CD163L1: variants seen among roughly 807,000 people sequenced by gnomAD.
The protein encoded by CD163L1 is CD163 molecule like 1.
Under a neutral mutation model 165.4 loss-of-function variants are expected in CD163L1, and 124 were observed. That is an observed-to-expected ratio of 0.75 (90% CI 0.65 to 0.87). The LOEUF is 0.87. Among genes scored for constraint, CD163L1 ranks in the 40% least tolerant of loss-of-function variants. CD163L1 has a pLI of 0.00. For missense variants in CD163L1, 1,525 were observed against 1,799.9 expected (o/e 0.85, Z 2.76); for synonymous variants, 585 against 662.2 (o/e 0.88, Z 1.79).
chr12:7,332,793 T>C, the CD163L1 span, among the ~76,000 whole-genome samples: 1 of 152,034 alleles, frequency 6.6e-6, no homozygotes, highest in Non-Finnish European at 1.5e-5. Flanking sequence ...GCACTAAACA[T>C]GGAAAGGAAC....
At chr12:7,349,090 GAATTCAAGCA>G (rs1946690920) in intron 4 of CD163L1, among the ~76,000 whole-genome samples, 1 of 152,142 alleles carries the variant, frequency 6.6e-6, no homozygotes. Context: ...AAATTGTGGA[GAATTCAAGCA>G]TGAATGTCTC....
intron 17 of CD163L1, among the ~76,000 whole-genome samples, chr12:7,367,774 G>A (rs1037712644): frequency 6.6e-6 from 1 of 152,128 alleles, no homozygotes; most frequent in Non-Finnish European, 1.5e-5. Context: ...ATTTTCTATT[G>A]GCTATTTCTG....
chr12:7,411,968 AC>A (rs1276336686), intron 4 of CD163L1, among the ~76,000 whole-genome samples: 2 of 152,206 alleles, frequency 1.3e-5, no homozygotes, highest in Non-Finnish European at 2.9e-5. Context: ...CTGGACATTG[AC>A]ATTTCCCACT....
At chr12:7,378,907 C>G (rs984193640) in intron 9 of CD163L1, 71 bp downstream of exon 9, 2 of 1,424,868 alleles carry the variant, frequency 1.4e-6, no homozygotes, top group African/African-American at 2.9e-5. Context: ...ATAGCCACTT[C>G]ATAAACACGT....
intron 8 of CD163L1, among the ~76,000 whole-genome samples, chr12:7,394,557 C>CA (rs1947732697): frequency 6.6e-6 from 1 of 152,018 alleles, no homozygotes; most frequent in Non-Finnish European, 1.5e-5. Context: ...ACTAAAACAC[C>CA]AAAAGCAATG....
At chr12:7,416,151 T>C (rs1263569544) in intron 4 of CD163L1, among the ~76,000 whole-genome samples, 1 of 152,238 alleles carries the variant, frequency 6.6e-6, no homozygotes, top group Admixed American at 6.5e-5. Flanking sequence ...ATTGTGGTTT[T>C]GGTTTGCATT....
intron 18 of CD163L1, 25 bp downstream of exon 18, chr12:7,367,211 G>A (rs779767928): frequency 1.1e-5 from 16 of 1,439,624 alleles, no homozygotes; most frequent in Admixed American, 1.0e-4. Context: ...TCTCCATGGA[G>A]TGCGGCCCCT....
At chr12:7,405,617 G>A (rs543939042) in intron 5 of CD163L1, among the ~76,000 whole-genome samples, 4 of 152,062 alleles carry the variant, frequency 2.6e-5, no homozygotes, top group Non-Finnish European at 5.9e-5. Context: ...TATGTATATC[G>A]TTCCCTGCGG....
the CD163L1 span, among the ~76,000 whole-genome samples, chr12:7,324,958 A>T: frequency 1.3e-5 from 2 of 152,058 alleles, no homozygotes; most frequent in South Asian, 2.1e-4. Flanking sequence ...ATTCTTTGTT[A>T]TGGCTCCAGT....
chr12:7,327,148 G>A, the CD163L1 span: 2 of 1,508,512 alleles, frequency 1.3e-6, no homozygotes, highest in Non-Finnish European at 1.8e-6. Flanking sequence ...TAGGGTCTAA[G>A]CTAGAATTAG....
rs1254905317 is a variant in CD163L1, at chr12:7,372,632, TATC to T, written c.3730+685_3730+687del. Among the ~76,000 whole-genome samples, 1 of 151,768 alleles carries T rather than the reference TATC, an allele frequency of 6.6e-6. No individual in the cohort carries two copies. The highest frequency in any genetic ancestry group is 6.6e-5 in the Admixed American group (1 of 15,234). On this transcript the variant is annotated intron_variant, in intron 14 of 19. Coordinates refer to ENST00000313599, the MANE Select transcript of CD163L1 (RefSeq NM_174941.6). This position sits in a 1 kb window ranked among gnomAD's most constrained non-coding sequence, Gnocchi z 4.2. ...TGTAACACTACATTACATGCATATATATCATACTATATATACATATACATATAT... is the reference window on the plus strand; with the variant it reads ...TGTAACACTACATTACATGCATATATATACTATATATACATATACATATAT...
chr12:7,406,194 T>G (rs954706053), intron 5 of CD163L1, among the ~76,000 whole-genome samples: 1 of 152,302 alleles, frequency 6.6e-6, no homozygotes, highest in Non-Finnish European at 1.5e-5. Flanking sequence ...CATTTTAAAA[T>G]TATACTGAAT....
intron 8 of CD163L1, among the ~76,000 whole-genome samples, chr12:7,391,760 C>G (rs1591916102): frequency 6.6e-6 from 1 of 152,230 alleles, no homozygotes; most frequent in African/African-American, 2.4e-5. Flanking sequence ...CAAAAAAGAG[C>G]AGGGGTTGTA....
At chr12:7,324,163 A>T in the CD163L1 span, 3 of 1,383,836 alleles carry the variant, frequency 2.2e-6, no homozygotes, top group Non-Finnish European at 2.9e-6. Context: ...CTCAAAAAAA[A>T]AAAAATTTCC....
downstream of CD163L1, among the ~76,000 whole-genome samples, chr12:7,353,657 A>G (rs764171749): frequency 8.5e-5 from 13 of 152,108 alleles, no homozygotes; most frequent in Non-Finnish European, 1.9e-4. Flanking sequence ...ATGTATACAC[A>G]AGAGAGAGGA....
chr12:7,378,614 A>T (rs1360159671), intron 9 of CD163L1, among the ~76,000 whole-genome samples: 1 of 147,906 alleles, frequency 6.8e-6, no homozygotes, highest in Non-Finnish European at 1.5e-5. Flanking sequence ...TACTCGAATA[A>T]AATACTACTG....
intron 4 of CD163L1, among the ~76,000 whole-genome samples, chr12:7,349,840 A>T (rs2136363279): frequency 6.6e-6 from 1 of 152,312 alleles, no homozygotes; most frequent in Non-Finnish European, 1.5e-5. Context: ...AGACTTTCTC[A>T]CAGAAAGTAT....
At chr12:7,345,131 G>GTT (rs1317465014), downstream of CD163L1, among the ~76,000 whole-genome samples, 20 of 148,392 alleles carry the variant, frequency 1.3e-4, no homozygotes, top group Non-Finnish European at 2.2e-4. Flanking sequence ...TACTGATAAT[G>GTT]CTTTTTTTTT....
chr12:7,361,023 T>G (rs1397216472), intron 18 of CD163L1, among the ~76,000 whole-genome samples: 3 of 152,302 alleles, frequency 2.0e-5, no homozygotes, highest in African/African-American at 7.2e-5. Context: ...AGGTTCAGAT[T>G]GCAAGTTCTG....
Sources: gnomAD v4.1 joint callset for allele counts (sites outside exome capture counted in the v4.1 genomes callset) on GRCh38, gnomAD v4.1.1 for gene constraint, Gnocchi (gnomAD v3.1) non-coding constraint, MANE v1.5 for transcripts, NCBI Gene and HGNC (gene_info 2026-07-23, HGNC 2026-07-21) for gene names.